Variants in POC5 observed in about 807,000 individuals in gnomAD.
POC5 encodes the protein centrosomal protein POC5.
A neutral mutation model predicts 62.9 loss-of-function variants in POC5; 48 were observed. That is an observed-to-expected ratio of 0.76 (90% CI 0.61 to 0.97). The LOEUF (loss-of-function observed/expected upper bound fraction) is 0.97. Among genes scored for constraint, POC5 ranks in the 50% least tolerant of loss-of-function variants. The probability of loss-of-function intolerance (pLI) is 0.00; values close to 1 mark genes in which losing one functional copy is unlikely to be tolerated. For synonymous variants in POC5, 236 were observed against 228.2 expected (o/e 1.03, Z -0.31); for missense variants, 696 against 679.5 (o/e 1.02, Z -0.27).
At chr5:75,683,191 G>A (rs1775936395) in intron 10 of POC5, among the ~76,000 whole-genome samples, 1 of 151,496 alleles carries the variant, frequency 6.6e-6, no homozygotes, top group African/African-American at 2.4e-5. Context: ...AACTATACAT[G>A]CCTTTATACC....
chr5:75,696,874 C>T (rs1471458958), intron 5 of POC5, among the ~76,000 whole-genome samples: 63 of 151,866 alleles, frequency 4.1e-4, no homozygotes, highest in Non-Finnish European at 1.5e-5. Flanking sequence ...GCTGATGGAG[C>T]TGAAAACCAA....
In POC5 at chr5:75,677,823, G is replaced by C. The variant is rs777479432; in HGVS notation, c.1535C>G (p.Ser512Cys). The C allele has an allele frequency of 6.2e-7, 1 of 1,612,460 alleles. No individual in the cohort carries two copies. Among genetic ancestry groups the C allele is most frequent in the Non-Finnish European group, 8.5e-7 (1 of 1,179,210 alleles). ...CACAACAACTGAGCTCATGGGAGGA[G>C]AAACTCCCATTATAGCTAAACTGCT... ...ISSSLAIMGV[S>C]PPMSSVVVEK... The change falls in exon 11 of 12, where the codon TCT (serine) becomes TGT (cysteine). Residue 512 changes from serine to cysteine, a missense_variant. Transcript: ENST00000428202.
intron 5 of POC5, among the ~76,000 whole-genome samples, chr5:75,700,090 C>A (rs1580044767): frequency 6.6e-6 from 1 of 152,008 alleles, no homozygotes; most frequent in East Asian, 1.9e-4. Context: ...AATGGAAGAA[C>A]ATTCCATGCT....
intron 3 of POC5, among the ~76,000 whole-genome samples, chr5:75,706,104 C>G (rs1488489028): frequency 6.6e-6 from 1 of 152,224 alleles, no homozygotes; most frequent in Non-Finnish European, 1.5e-5. Flanking sequence ...AGGATCTGCT[C>G]TCTTATGACA....
intron 5 of POC5, among the ~76,000 whole-genome samples, chr5:75,695,719 C>A (rs182368452): frequency 3.9e-5 from 6 of 152,086 alleles, no homozygotes; most frequent in East Asian, 3.9e-4. Context: ...CCAAGATGGC[C>A]GAATAGGAAC....
At chr5:75,689,200 G>A in intron 8 of POC5, 35 bp from the exon 9 acceptor site, 1 of 1,498,114 alleles carries the variant, frequency 6.7e-7, no homozygotes, top group South Asian at 1.3e-5. Context: ...AAAACAATTT[G>A]AGATACAAAG....
chr5:75,696,779 C>T (rs1776616398), intron 5 of POC5, among the ~76,000 whole-genome samples: 1 of 151,912 alleles, frequency 6.6e-6, no homozygotes, highest in East Asian at 1.9e-4. Flanking sequence ...GACATTCAAA[C>T]CAAAGGCAAA....
At chr5:75,702,033 G>A (rs900695247) in intron 5 of POC5, among the ~76,000 whole-genome samples, 4 of 152,106 alleles carry the variant, frequency 2.6e-5, no homozygotes, top group East Asian at 1.9e-4. Context: ...ATGTAGAACC[G>A]TTCCAGCAAC....
intron 3 of POC5, among the ~76,000 whole-genome samples, chr5:75,707,139 T>G (rs1244657054): frequency 6.6e-6 from 1 of 152,204 alleles, no homozygotes; most frequent in Admixed American, 6.5e-5. Flanking sequence ...GAGTTTGGGA[T>G]GTTGTCTTCA....
chr5:75,714,975 C>T (rs1777490242), intron 1 of POC5, among the ~76,000 whole-genome samples: 1 of 152,104 alleles, frequency 6.6e-6, no homozygotes, highest in Non-Finnish European at 1.5e-5. Flanking sequence ...AGAAAAAGTT[C>T]TTATCCTGAG....
rs762745790 is a variant in POC5 at position 75,690,368 on chromosome 5, G to A, written c.975+15C>T. On this transcript the variant is annotated intron_variant, in intron 8 of 11. Transcript: ENST00000428202. ...TTGTATTAGAAGAAAGTGAAAACCA[G>A]AAAAAGATGCTTACCATAGCAACTT... is the stretch of plus-strand genomic sequence containing the variant. The A allele has an allele frequency of 6.3e-6, 10 of 1,588,188 alleles. No individual in the cohort carries two copies. The Admixed American group carries it at 1.6e-4, about 26-fold the overall frequency.
At chr5:75,690,637 ATGG>A in intron 7 of POC5, 75 bp from the exon 8 acceptor site, 1 of 1,176,628 alleles carries the variant, frequency 8.5e-7, no homozygotes, top group Non-Finnish European at 1.2e-6. Flanking sequence ...TAAACATAAC[ATGG>A]TGGTAAGTGT....
chr5:75,686,986 G>A (rs1410080938), intron 9 of POC5, among the ~76,000 whole-genome samples: 1 of 152,080 alleles, frequency 6.6e-6, no homozygotes, highest in Non-Finnish European at 1.5e-5. Context: ...GCTCTAACAA[G>A]ACAGATGCAT....
intron 2 of POC5, among the ~76,000 whole-genome samples, chr5:75,711,183 T>C (rs1580064971): frequency 1.3e-5 from 2 of 152,296 alleles, no homozygotes; most frequent in Non-Finnish European, 2.9e-5. Flanking sequence ...AAAAATAAAA[T>C]TTAAAATTAA....
intron 11 of POC5, among the ~76,000 whole-genome samples, chr5:75,675,400 C>T (rs1775613349): frequency 6.6e-6 from 1 of 152,120 alleles, no homozygotes; most frequent in South Asian, 2.1e-4. Flanking sequence ...TAGGGTCTTC[C>T]ACTTAGAAAA....
chr5:75,705,672 A>G (rs1032980007), intron 4 of POC5, 32 bp downstream of exon 4: 13 of 1,333,056 alleles, frequency 9.8e-6, no homozygotes, highest in Non-Finnish European at 1.1e-5. Flanking sequence ...AATGTTGTAT[A>G]TTAATACAAA....
chr5:75,707,187 C>A (rs1169426257), intron 3 of POC5, among the ~76,000 whole-genome samples: 3 of 152,330 alleles, frequency 2.0e-5, no homozygotes, highest in African/African-American at 7.2e-5. Context: ...GCTTTATCCT[C>A]TTTTCTCCAC....
Position 75,674,276 on chromosome 5 carries a change from C to T in POC5, c.*159G>A, listed in dbSNP as rs1336043331. On this transcript the variant is annotated 3_prime_UTR_variant, in exon 12 of 12. Coordinates refer to ENST00000428202, the MANE Select transcript of POC5 (RefSeq NM_001099271.2). ...TTAAAATAATTTCTACATATAGTTA[C>T]AAAGCATGGTAGAGCTTGAAAAAGC... The T allele has an allele frequency of 1.7e-6, 1 of 573,628 alleles. No individual in the cohort carries two copies. Among genetic ancestry groups the T allele is most frequent in the East Asian group, 3.1e-5 (1 of 32,122 alleles). The allele number at this position is 573,628 out of a possible 1,614,324, so 35.5% of individuals were successfully genotyped here.
chr5:75,711,275 TC>T (rs1777332978), intron 2 of POC5, among the ~76,000 whole-genome samples: 1 of 150,418 alleles, frequency 6.6e-6, no homozygotes, highest in Admixed American at 6.6e-5. Flanking sequence ...TTTGCCCCCC[TC>T]CCCAACCCCC....
Sources: allele counts gnomAD v4.1 joint callset (sites outside exome capture counted in the v4.1 genomes callset), GRCh38; gene constraint gnomAD v4.1.1; transcripts MANE v1.5; gene names NCBI Gene and HGNC (gene_info 2026-07-23, HGNC 2026-07-21).